MLLT10: variants seen among roughly 807,000 people sequenced by gnomAD.
MLLT10 encodes protein AF-10.
In MLLT10, 30 loss-of-function variants were observed where a neutral mutation model predicts 129.1. That is an observed-to-expected ratio of 0.23 (90% CI 0.17 to 0.32). MLLT10 has a LOEUF of 0.32. Ranked by LOEUF, MLLT10 falls within the 10% of genes least tolerant of loss-of-function variation. MLLT10 has a pLI of 1.00. For synonymous variants in MLLT10, 490 were observed against 446.4 expected (o/e 1.10, Z -1.23); for missense variants, 1,119 against 1,268.3 (o/e 0.88, Z 1.79).
chr10:21,685,337 G>GATT (rs2131414877), intron 13 of MLLT10, among the ~76,000 whole-genome samples: 1 of 152,150 alleles, frequency 6.6e-6, no homozygotes, highest in South Asian at 2.1e-4. Context: ...AAGGAAAGAT[G>GATT]ATTATTATTA....
chr10:21,591,146 C>T (rs2042450846), intron 4 of MLLT10, among the ~76,000 whole-genome samples: 3 of 152,180 alleles, frequency 2.0e-5, no homozygotes, highest in South Asian at 2.1e-4. Context: ...AAGCCTCCAC[C>T]TCCTGGGTTC....
intron 4 of MLLT10, among the ~76,000 whole-genome samples, chr10:21,588,929 C>G (rs1209742648): frequency 1.3e-5 from 2 of 151,142 alleles, no homozygotes; most frequent in East Asian, 3.9e-4. Context: ...TTTCAAGGGA[C>G]TCTCCTGCCT....
At chr10:21,672,698 T>C (rs1307422616) in intron 10 of MLLT10, among the ~76,000 whole-genome samples, 1 of 152,234 alleles carries the variant, frequency 6.6e-6, no homozygotes, top group Non-Finnish European at 1.5e-5. Flanking sequence ...TGAAGTTCCA[T>C]GAAAATTGGA....
chr10:21,682,225 C>T lies in MLLT10; in HGVS notation c.1667C>T (p.Thr556Met), dbSNP rs750442550. 8.7e-6 allele frequency: 14 copies of T among 1,609,860 alleles called. No homozygotes were observed. Among genetic ancestry groups the T allele is most frequent in the South Asian group, 4.4e-5 (4 of 90,256 alleles). Reference protein sequence around the residue: ...YRHDGACPTTTFSELLNAIHN... With the variant: ...YRHDGACPTTMFSELLNAIHN... ...AAGTCCTTTTTTCCTTACTTAAAAG[C>T]GTTCTCAGAGTTGCTGAATGCAATA... Residue 556 changes from threonine to methionine, a missense_variant and splice_region_variant, in exon 13 of 23, where the codon ACG becomes ATG. Around this residue, in one of 5 missense-constraint regions of MLLT10, gnomAD observed 1,004 missense variants for 1,008.7 expected, o/e 1.00. Transcript: ENST00000307729.
At chr10:21,605,734 G>A (rs2043996286) in intron 5 of MLLT10, among the ~76,000 whole-genome samples, 1 of 152,080 alleles carries the variant, frequency 6.6e-6, no homozygotes, top group African/African-American at 2.4e-5. Context: ...CACTGGCCTG[G>A]CCTTTATGAT....
intron 14 of MLLT10, among the ~76,000 whole-genome samples, chr10:21,717,876 TCTCCTCCTCCTTCTCCTCCTCCTC>T (rs2056842495): frequency 2.6e-5 from 2 of 75,664 alleles, no homozygotes; most frequent in Admixed American, 1.2e-4. Context: ...TCCTCCTCCT[TCTCCTCCTCCTTCTCCTCCTCCTC>T]CTCCTCCTCC....
chr10:21,630,747 A>T (rs750157741), intron 8 of MLLT10, among the ~76,000 whole-genome samples: 1 of 152,232 alleles, frequency 6.6e-6, no homozygotes, highest in African/African-American at 2.4e-5. Flanking sequence ...ACCAGCATCT[A>T]TGAAACTGTG....
At chr10:21,564,782 C>T (rs1288443503) in intron 3 of MLLT10, among the ~76,000 whole-genome samples, 2 of 150,572 alleles carry the variant, frequency 1.3e-5, no homozygotes, top group African/African-American at 2.5e-5. Context: ...CGCGATCGCA[C>T]CATTGCACTC....
At chr10:21,741,861 T>C in intron 22 of MLLT10, 78 bp from the exon 23 acceptor site, 1 of 1,470,164 alleles carries the variant, frequency 6.8e-7, no homozygotes, top group African/African-American at 1.4e-5. Context: ...ACATTTTATC[T>C]CAGTCACAGT....
chr10:21,556,093 C>T (rs931077072), intron 3 of MLLT10, among the ~76,000 whole-genome samples: 2 of 151,480 alleles, frequency 1.3e-5, no homozygotes, highest in East Asian at 1.9e-4. Context: ...CTCCTGCCTC[C>T]GCCTCCTGAG....
chr10:21,680,692 C>T (rs1002402217), intron 11 of MLLT10, among the ~76,000 whole-genome samples: 2 of 152,104 alleles, frequency 1.3e-5, no homozygotes, highest in African/African-American at 2.4e-5. Context: ...ATGACCTAGA[C>T]CTAGCGTGGT....
intron 10 of MLLT10, 194 bp downstream of exon 10, chr10:21,670,898 C>T (rs2051328588): frequency 1.5e-5 from 8 of 534,672 alleles, no homozygotes; most frequent in Non-Finnish European, 2.2e-5. Flanking sequence ...CTTTTTCTTT[C>T]CTTTTATAAT....
At chr10:21,628,123 G>T (rs926438181) in intron 8 of MLLT10, among the ~76,000 whole-genome samples, 1 of 152,120 alleles carries the variant, frequency 6.6e-6, no homozygotes, top group African/African-American at 2.4e-5. Flanking sequence ...ATATTCTCCT[G>T]CAAGTCCTGT....
rs1296430495 is a variant in MLLT10, at chr10:21,742,348, A to T, written c.*365A>T. The stretch of plus-strand genomic sequence containing the variant: ...GGAGATGCAAATAGCAAAACTAAAT[A>T]CTTGCTCCATTTACAAACTACTTGA... On this transcript the variant is annotated 3_prime_UTR_variant, in exon 23 of 23. Transcript: ENST00000307729. The T allele has an allele frequency of 4.0e-6, 1 of 250,116 alleles. No homozygotes were observed. The highest frequency in any genetic ancestry group is 7.7e-6 in the Non-Finnish European group (1 of 130,336). 15.5% of individuals were successfully genotyped at this position (250,116 alleles called of 1,614,324 possible).
At chr10:21,704,475 T>A (rs1176277782) in intron 13 of MLLT10, among the ~76,000 whole-genome samples, 1 of 151,428 alleles carries the variant, frequency 6.6e-6, no homozygotes, top group Non-Finnish European at 1.5e-5. Context: ...CTTTGTATTT[T>A]CAGAATTATT....
chr10:21,727,250 T>C (rs189616433), intron 15 of MLLT10, among the ~76,000 whole-genome samples: 32 of 152,344 alleles, frequency 2.1e-4, no homozygotes, highest in Non-Finnish European at 2.8e-4. Context: ...AGCAGAGATA[T>C]ATGATATTAC....
intron 16 of MLLT10, among the ~76,000 whole-genome samples, chr10:21,728,301 C>T (rs189576942): frequency 9.2e-5 from 14 of 152,274 alleles, no homozygotes; most frequent in Admixed American, 8.5e-4. Context: ...GCACTTAATC[C>T]CTTAGTCTCT....
rs141011933 is a variant in MLLT10, at chr10:21,568,127, G to T, written c.241-18167G>T. Among the ~76,000 whole-genome samples, 860 of 152,234 alleles carry T rather than the reference G, an allele frequency of 5.6e-3. 6 individuals are homozygous for T. Among genetic ancestry groups the T allele is most frequent in the African/African-American group, 0.019 (803 of 41,542 alleles). ...GCCACCGCACCCGGCCTTGTTGGGG[G>T]TTCTTTTATTTGGTCAGTGCCCATC... On this transcript the variant is annotated intron_variant, in intron 3 of 22. Transcript: ENST00000307729.
intron 9 of MLLT10, chr10:21,669,003 G>T (rs761301173): frequency 2.0e-5 from 28 of 1,378,994 alleles, no homozygotes; most frequent in Non-Finnish European, 2.7e-5. Context: ...ATGAGGTGGG[G>T]TGGTTTCCAA....
Sources: allele counts gnomAD v4.1 joint callset (sites outside exome capture counted in the v4.1 genomes callset), GRCh38; gene constraint gnomAD v4.1.1; regional missense constraint gnomAD v4.1.1; transcripts MANE v1.5; gene names NCBI Gene and HGNC (gene_info 2026-07-23, HGNC 2026-07-21).